Variants in PCDH15 observed in about 807,000 individuals in gnomAD.
The protein encoded by PCDH15 is protocadherin-15.
PCDH15 carries 129 observed loss-of-function variants against 178.5 expected under a neutral mutation model. The ratio of observed to expected loss-of-function variants is 0.72; its 90% CI spans 0.63 to 0.84. The LOEUF (loss-of-function observed/expected upper bound fraction) is 0.84, where lower values mean the gene tolerates loss of function less well. Ranked by LOEUF, PCDH15 falls within the 40% of genes least tolerant of loss-of-function variation. The pLI is 0.00. For missense variants in PCDH15, 2,230 were observed against 2,099.9 expected (o/e 1.06, Z -1.21); for synonymous variants, 800 against 732.0 (o/e 1.09, Z -1.50).
intron 6 of PCDH15, among the ~76,000 whole-genome samples, chr10:54,336,418 C>A (rs138297567): frequency 6.6e-6 from 1 of 152,098 alleles, no homozygotes; most frequent in Non-Finnish European, 1.5e-5. Context: ...GAGAAAAAAG[C>A]GGTTTCATGG....
intron 2 of PCDH15, among the ~76,000 whole-genome samples, chr10:54,920,592 C>G (rs1437909767): frequency 6.6e-6 from 1 of 151,150 alleles, no homozygotes; most frequent in Non-Finnish European, 1.5e-5. Context: ...TTAGTCTTCT[C>G]AAAGTAATTA....
At chr10:55,150,874 A>C (rs1591944867) in intron 2 of PCDH15, among the ~76,000 whole-genome samples, 1 of 152,126 alleles carries the variant, frequency 6.6e-6, no homozygotes, top group Admixed American at 6.6e-5. Flanking sequence ...TTACATTTTG[A>C]AGCTGTTTAA....
chr10:55,347,886 T>C (rs2131962933), intron 2 of PCDH15, among the ~76,000 whole-genome samples: 1 of 152,216 alleles, frequency 6.6e-6, no homozygotes, highest in East Asian at 1.9e-4. Flanking sequence ...TTTTTATTTT[T>C]ATTTGATTCT....
At chr10:55,357,324 A>G (rs965059838) in intron 2 of PCDH15, among the ~76,000 whole-genome samples, 6 of 151,892 alleles carry the variant, frequency 4.0e-5, no homozygotes, top group African/African-American at 7.2e-5. Context: ...TAAAACACAG[A>G]TTGGCCAAAC....
chr10:54,425,377 C>A (rs565584122), intron 3 of PCDH15, among the ~76,000 whole-genome samples: 14 of 152,172 alleles, frequency 9.2e-5, no homozygotes, highest in African/African-American at 3.4e-4. Context: ...CCATATGATA[C>A]CCTGTGCTAC....
intron 3 of PCDH15, among the ~76,000 whole-genome samples, chr10:54,879,876 A>G (rs1369887260): frequency 6.6e-6 from 1 of 151,992 alleles, no homozygotes; most frequent in African/African-American, 2.4e-5. Flanking sequence ...AAGTTTGCAG[A>G]TAACTGTGAT....
intron 29 of PCDH15, among the ~76,000 whole-genome samples, chr10:53,835,146 T>C (rs1331826972): frequency 2.6e-5 from 4 of 152,322 alleles, no homozygotes; most frequent in Middle Eastern, 3.4e-3. Flanking sequence ...TTTGAATTTA[T>C]ATGTATAGTT....
At chr10:54,382,090 A>G (rs1321864633) in intron 3 of PCDH15, among the ~76,000 whole-genome samples, 2 of 152,138 alleles carry the variant, frequency 1.3e-5, no homozygotes, top group Admixed American at 1.3e-4. Context: ...ACAGTTAAAT[A>G]TTTATTGACA....
chr10:55,193,784 G>A (rs1392421742), intron 1 of PCDH15, among the ~76,000 whole-genome samples: 1 of 151,848 alleles, frequency 6.6e-6, no homozygotes, highest in Non-Finnish European at 1.5e-5. Flanking sequence ...GAAGTTCAAA[G>A]AGCCAATTTT....
chr10:53,990,679 G>C (rs996185265), intron 21 of PCDH15, among the ~76,000 whole-genome samples: 5 of 151,912 alleles, frequency 3.3e-5, no homozygotes, highest in Non-Finnish European at 7.4e-5. Flanking sequence ...TGCTCTCAGC[G>C]CCTCCTCGGA....
intron 17 of PCDH15, among the ~76,000 whole-genome samples, chr10:54,073,597 C>A (rs1252641702): frequency 6.6e-6 from 1 of 152,076 alleles, no homozygotes; most frequent in Non-Finnish European, 1.5e-5. Flanking sequence ...TTCTAGCAAT[C>A]TGAAATTGTG....
chr10:54,644,366 G>T (rs116902375), intron 2 of PCDH15, among the ~76,000 whole-genome samples: 6,687 of 149,722 alleles, frequency 0.045, 161 homozygotes, highest in Non-Finnish European at 0.059. Flanking sequence ...TACTGAATAT[G>T]CTTTTCATCT....
At chr10:55,091,887 G>A (rs1251650579) in intron 2 of PCDH15, among the ~76,000 whole-genome samples, 4 of 151,822 alleles carry the variant, frequency 2.6e-5, no homozygotes, top group African/African-American at 7.2e-5. Flanking sequence ...GAAATGTATA[G>A]TGTACTATTT....
chr10:53,883,527 A>T (rs1311311016), intron 26 of PCDH15, among the ~76,000 whole-genome samples: 1 of 151,672 alleles, frequency 6.6e-6, no homozygotes, highest in Non-Finnish European at 1.5e-5. Context: ...CTGCCACTTA[A>T]AAAACACTGA....
intron 2 of PCDH15, among the ~76,000 whole-genome samples, chr10:55,626,798 A>T (rs183018646): frequency 3.1e-4 from 47 of 152,312 alleles, no homozygotes; most frequent in African/African-American, 1.1e-3. Flanking sequence ...TCATCCTTCA[A>T]ATTACCTCAC....
chr10:55,394,667 C>G (rs1186801538), intron 2 of PCDH15, among the ~76,000 whole-genome samples: 2 of 150,250 alleles, frequency 1.3e-5, no homozygotes, highest in African/African-American at 2.5e-5. Flanking sequence ...ACTTGTAAAA[C>G]ATCTTCCAGT....
intron 2 of PCDH15, among the ~76,000 whole-genome samples, chr10:55,397,302 TTTTGCACTTATG>T (rs1308021179): frequency 5.3e-5 from 8 of 152,126 alleles, no homozygotes; most frequent in African/African-American, 1.9e-4. Flanking sequence ...AACTCGAAAT[TTTTGCACTTATG>T]TTCAATGAGG....
chr10:54,908,034 T>C (rs897567849), intron 2 of PCDH15, among the ~76,000 whole-genome samples: 2 of 152,186 alleles, frequency 1.3e-5, no homozygotes, highest in South Asian at 2.1e-4. Flanking sequence ...ACAGAGACAT[T>C]GTTATGGGAT....
chr10:54,929,113 T>A (rs1837703090), intron 2 of PCDH15, among the ~76,000 whole-genome samples: 1 of 152,214 alleles, frequency 6.6e-6, no homozygotes, highest in Admixed American at 6.5e-5. Flanking sequence ...TTTTTCCTTT[T>A]ATCCTATTTG....
Sources: gnomAD v4.1 joint callset for allele counts (sites outside exome capture counted in the v4.1 genomes callset) on GRCh38, gnomAD v4.1.1 for gene constraint, MANE v1.5 for transcripts, NCBI Gene and HGNC (gene_info 2026-07-23, HGNC 2026-07-21) for gene names.